Variants in BBS4 observed in about 807,000 individuals in gnomAD.
The protein encoded by BBS4 is BBSome complex member BBS4.
BBS4 carries 58 observed loss-of-function variants against 71.4 expected under a neutral mutation model. The observed-to-expected ratio is 0.81, with a 90% CI of 0.66 to 1.01. The LOEUF (loss-of-function observed/expected upper bound fraction) is 1.01. BBS4 is among the 50% of genes least tolerant of loss of function. BBS4 has a pLI of 0.00. For synonymous variants in BBS4, 228 were observed against 216.8 expected, an observed-to-expected ratio of 1.05 and a Z score of -0.46; for missense variants, 660 against 607.9, an observed-to-expected ratio of 1.09 and a Z score of -0.90.
At chr15:72,699,381 G>C (rs1399383443) in intron 2 of BBS4, among the ~76,000 whole-genome samples, 1 of 152,042 alleles carries the variant, frequency 6.6e-6, no homozygotes, top group African/African-American at 2.4e-5. Context: ...ACCGTGCTTG[G>C]CCCAATTCTG....
intron 6 of BBS4, among the ~76,000 whole-genome samples, chr15:72,718,999 A>G (rs970754223): frequency 1.1e-4 from 16 of 152,184 alleles, no homozygotes; most frequent in Non-Finnish European, 1.8e-4. Context: ...AATTGAAACC[A>G]TTAGATTGGT....
chr15:72,735,549 A>T (rs960377904), intron 13 of BBS4: 1 of 547,688 alleles, frequency 1.8e-6, no homozygotes, highest in Non-Finnish European at 3.3e-6. Context: ...CATCTTCTAG[A>T]CAGCAGGGTA....
chr15:72,713,349 A>ACACACACACACACG (rs1555499570), intron 4 of BBS4, among the ~76,000 whole-genome samples: 4 of 112,566 alleles, frequency 3.6e-5, no homozygotes, highest in Non-Finnish European at 5.6e-5. Context: ...ACACACACAC[A>ACACACACACACACG]CGCACACGCA....
chr15:72,725,055 T>TAG lies in BBS4; in HGVS notation c.587+401_587+402insGA, dbSNP rs201886458. 6.3e-3 allele frequency among the ~76,000 whole-genome samples: 700 copies of TAG among 111,606 alleles called. 1 individual carries two copies. Among genetic ancestry groups the TAG allele is most frequent in the African/African-American group, 0.015 (481 of 32,166 alleles). 73.2% of individuals were successfully genotyped at this position (111,606 alleles called of 152,430 possible). A position where few individuals can be genotyped will look rare whatever the true frequency, so the allele number is the denominator to read the frequency against. ...GCATCTGGCTATATATATATATATA[T>TAG]ATAGAGAGAGAGAGAGAGAGAGAGA... On this transcript the variant is annotated intron_variant, in intron 8 of 15. Coordinates refer to ENST00000268057, the MANE Select transcript of BBS4 (RefSeq NM_033028.5).
rs1181940902 is a variant in BBS4 at position 72,737,976 on chromosome 15, C to T, written c.*389C>T. 1 of 454,638 alleles carries T rather than the reference C, an allele frequency of 2.2e-6. No individual in the cohort carries two copies. Among genetic ancestry groups the T allele is most frequent in the South Asian group, 1.6e-5 (1 of 64,484 alleles). The allele number at this position is 454,638 out of a possible 1,614,324, so 28.2% of individuals were successfully genotyped here. A position where few individuals can be genotyped will look rare whatever the true frequency, so the allele number is the denominator to read the frequency against. On this transcript the variant is annotated 3_prime_UTR_variant, in exon 16 of 16. Coordinates refer to ENST00000268057, the MANE Select transcript of BBS4 (RefSeq NM_033028.5). ...GCTGAGACAGACCTCTGCTGAGTAGCTCTGTGATGACAAAGCCTTGGTTTA... is the reference window on the plus strand; with the variant it reads ...GCTGAGACAGACCTCTGCTGAGTAGTTCTGTGATGACAAAGCCTTGGTTTA...
At chr15:72,695,480 T>G (rs2065060479) in intron 2 of BBS4, among the ~76,000 whole-genome samples, 1 of 152,094 alleles carries the variant, frequency 6.6e-6, no homozygotes, top group Admixed American at 6.6e-5. Flanking sequence ...AGAGATGAGG[T>G]TTCACTGTGT....
In BBS4 at chr15:72,731,340, C is replaced by T. The variant is rs776079791; in HGVS notation, c.747C>T (p.His249=). 47 of 1,613,958 alleles carry T rather than the reference C, an allele frequency of 2.9e-5. No homozygotes were observed. The highest frequency in any genetic ancestry group is 6.7e-5 in the Admixed American group (4 of 59,994). Residue 249 remains histidine (H), a synonymous_variant, in exon 11 of 16, where the codon CAC becomes CAT. Coordinates refer to ENST00000268057, the MANE Select transcript of BBS4 (RefSeq NM_033028.5). The part of the protein sequence containing the change: ...ILAAGSMMQT[H]GDFDVALTKY... Reference sequence around the variant, plus strand: ...CAGCAGGCAGCATGATGCAGACCCACGGGGACTTTGATGTTGCCCTCACCA... The same window carrying T: ...CAGCAGGCAGCATGATGCAGACCCATGGGGACTTTGATGTTGCCCTCACCA...
At chr15:72,688,831 G>A (rs1283170609) in intron 1 of BBS4, among the ~76,000 whole-genome samples, 2 of 152,192 alleles carry the variant, frequency 1.3e-5, no homozygotes, top group Non-Finnish European at 2.9e-5. Flanking sequence ...GTGGCAAAAC[G>A]CTGGAAGCAA....
chr15:72,691,798 A>T (rs1033317448), intron 1 of BBS4, among the ~76,000 whole-genome samples: 4 of 152,148 alleles, frequency 2.6e-5, no homozygotes, highest in Non-Finnish European at 5.9e-5. Context: ...CTCCGTCTCT[A>T]CTAAAAATAC....
intron 8 of BBS4, among the ~76,000 whole-genome samples, chr15:72,727,194 A>G (rs916689612): frequency 1.6e-4 from 24 of 152,184 alleles, no homozygotes; most frequent in African/African-American, 5.5e-4. Context: ...CCAGTGCCCT[A>G]TATCATTCCT....
intron 3 of BBS4, among the ~76,000 whole-genome samples, chr15:72,710,666 GTCA>G (rs1164587086): frequency 2.0e-5 from 3 of 152,078 alleles, no homozygotes; most frequent in African/African-American, 7.2e-5. Flanking sequence ...TATCCTTGGT[GTCA>G]TCTTTTTTGG....
chr15:72,734,708 A>G (rs1280195726), intron 12 of BBS4, among the ~76,000 whole-genome samples: 2 of 152,068 alleles, frequency 1.3e-5, no homozygotes, highest in African/African-American at 2.4e-5. Flanking sequence ...CTGCTAAATG[A>G]AAGTGTAAAG....
chr15:72,712,382 G>A lies in BBS4; in HGVS notation c.220+75G>A, dbSNP rs74024326. The A allele has an allele frequency of 1.6e-3, 2,250 of 1,405,798 alleles. 24 individuals are homozygous for A. In the African/African-American group the frequency reaches 0.028, roughly 18 times the overall value. 87.1% of individuals were successfully genotyped at this position (1,405,798 alleles called of 1,614,324 possible). A position where few individuals can be genotyped will look rare whatever the true frequency, so the allele number is the denominator to read the frequency against. On this transcript the variant is annotated intron_variant, in intron 4 of 15. Transcript: ENST00000268057. ...GGTTCTTGAAAAAGATCAGGCAATT[G>A]AAGAAACAAGTTCAAGTACAGTCAT...
At chr15:72,707,865 T>G (rs1282696007) in intron 2 of BBS4, among the ~76,000 whole-genome samples, 1 of 152,250 alleles carries the variant, frequency 6.6e-6, no homozygotes, top group Non-Finnish European at 1.5e-5. Context: ...TTTTCATCGT[T>G]GACTTCTCAT....
chr15:72,726,087 T>A (rs2065693893), intron 8 of BBS4, among the ~76,000 whole-genome samples: 1 of 148,556 alleles, frequency 6.7e-6, no homozygotes, highest in Non-Finnish European at 1.5e-5. Flanking sequence ...TGTTTCTTTC[T>A]TTTCTTCCTT....
At chr15:72,708,869 C>T (rs1404616200) in intron 2 of BBS4, among the ~76,000 whole-genome samples, 1 of 152,162 alleles carries the variant, frequency 6.6e-6, no homozygotes, top group African/African-American at 2.4e-5. Context: ...AAACCCCACC[C>T]TGGTAAATTT....
At chr15:72,720,387 G>T (rs1006727279) in intron 6 of BBS4, among the ~76,000 whole-genome samples, 7 of 151,648 alleles carry the variant, frequency 4.6e-5, no homozygotes, top group African/African-American at 1.5e-4. Context: ...GCTGAGGTAG[G>T]AGGATCACGT....
chr15:72,716,659 CAT>C (rs1263750749), intron 5 of BBS4, 117 bp from the exon 6 acceptor site: 8 of 788,162 alleles, frequency 1.0e-5, no homozygotes, highest in Non-Finnish European at 1.7e-5. Flanking sequence ...ACAACCACCT[CAT>C]AGAGAAAAGG....
intron 1 of BBS4, among the ~76,000 whole-genome samples, chr15:72,693,126 A>G (rs923666162): frequency 6.6e-6 from 1 of 152,138 alleles, no homozygotes; most frequent in African/African-American, 2.4e-5. Flanking sequence ...ATGCTTTACT[A>G]CCATCTATTG....
Sources: gnomAD v4.1 joint callset for allele counts (sites outside exome capture counted in the v4.1 genomes callset) on GRCh38, gnomAD v4.1.1 for gene constraint, MANE v1.5 for transcripts, NCBI Gene and HGNC (gene_info 2026-07-23, HGNC 2026-07-21) for gene names.